Variants in SNAP91 observed in about 807,000 individuals in gnomAD.
SNAP91 encodes the protein synaptosome associated protein 91, also known as clathrin coat assembly protein AP180.
In SNAP91, 27 loss-of-function variants were observed where a neutral mutation model predicts 100.3. The observed-to-expected ratio is 0.27, with a 90% CI of 0.20 to 0.37. The LOEUF (loss-of-function observed/expected upper bound fraction) is 0.37, where lower values mean the gene tolerates loss of function less well. Among genes scored for constraint, SNAP91 ranks in the 10% least tolerant of loss-of-function variants. SNAP91 has a pLI of 1.00. For missense variants in SNAP91, 986 were observed against 1,123.7 expected (o/e 0.88, Z 1.75); for synonymous variants, 404 against 398.6 (o/e 1.01, Z -0.16).
intron 26 of SNAP91, 32 bp downstream of exon 26, chr6:83,574,978 C>A: frequency 7.0e-7 from 1 of 1,423,542 alleles, no homozygotes; most frequent in Non-Finnish European, 9.7e-7. Flanking sequence ...GGCAAACTGC[C>A]TGCGCTGCCC....
In SNAP91 at chr6:83,708,890, G is replaced by T. The variant is rs1318559470; in HGVS notation, c.-76C>A. On this transcript the variant is annotated 5_prime_UTR_variant, in exon 1 of 30. Coordinates refer to ENST00000369694, the MANE Select transcript of SNAP91 (RefSeq NM_001242792.2). ...CCCGCCGCAGGATGAGCGGAGCCCG[G>T]GCCGCCGAGGGAAGCCGCGCCGGTG... 4 of 152,042 alleles carry T rather than the reference G, an allele frequency of 2.6e-5. No homozygotes were observed. Among genetic ancestry groups the T allele is most frequent in the Non-Finnish European group, 5.9e-5 (4 of 68,022 alleles). 9.4% of individuals were successfully genotyped at this position (152,042 alleles called of 1,614,324 possible).
rs185378043 is a variant in SNAP91, at chr6:83,570,838, C to T, written c.2442+4172G>A. On this transcript the variant is annotated intron_variant, in intron 26 of 29. Coordinates refer to ENST00000369694, the MANE Select transcript of SNAP91 (RefSeq NM_001242792.2). ...GCAGAAGTTTGCTGCAGGGGCAGGG[C>T]TCTCATGGAGAACCTCTGTTAGGGC... is the stretch of plus-strand genomic sequence containing the variant. Among the ~76,000 whole-genome samples the T allele has an allele frequency of 2.9e-3, 449 of 152,286 alleles. 2 individuals are homozygous for T. Among genetic ancestry groups the T allele is most frequent in the African/African-American group, 0.01 (425 of 41,562 alleles).
intron 26 of SNAP91, among the ~76,000 whole-genome samples, chr6:83,571,088 C>T (rs1234011076): frequency 1.3e-5 from 2 of 151,170 alleles, no homozygotes; most frequent in Non-Finnish European, 2.9e-5. Flanking sequence ...TGGAGCTGCC[C>T]GAGGACCATG....
At position 83,553,138 on chromosome 6, in the gene SNAP91, T is replaced by C. The variant is rs927383720; in HGVS notation, c.*1158A>G. The C allele has an allele frequency of 6.6e-6, 1 of 152,658 alleles. No homozygotes were observed. The highest frequency in any genetic ancestry group is 1.5e-5 in the Non-Finnish European group (1 of 68,042). 9.5% of individuals were successfully genotyped at this position (152,658 alleles called of 1,614,324 possible). A position where few individuals can be genotyped will look rare whatever the true frequency, so the allele number is the denominator to read the frequency against. On this transcript the variant is annotated 3_prime_UTR_variant, in exon 30 of 30. Transcript: ENST00000369694. The stretch of plus-strand genomic sequence containing the variant: ...CTTTTATGAAGAGCTGCCAAGCTAC[T>C]AGCAACACTGATCAACAGTGACCTC...
intron 8 of SNAP91, among the ~76,000 whole-genome samples, chr6:83,625,703 T>A (rs1480957428): frequency 6.6e-6 from 1 of 152,204 alleles, no homozygotes; most frequent in African/African-American, 2.4e-5. Context: ...TCTGTTCATG[T>A]CCTTGGCCCA....
intron 2 of SNAP91, among the ~76,000 whole-genome samples, chr6:83,706,592 T>C (rs1483405129): frequency 6.6e-6 from 1 of 152,268 alleles, no homozygotes; most frequent in Non-Finnish European, 1.5e-5. Flanking sequence ...TGTCCAGTTG[T>C]AAGCTTCATC....
intron 24 of SNAP91, among the ~76,000 whole-genome samples, chr6:83,577,390 CAATT>C (rs907615274): frequency 3.3e-5 from 5 of 151,898 alleles, no homozygotes; most frequent in African/African-American, 9.7e-5. Flanking sequence ...ATTTATTTTT[CAATT>C]AGACTATAAA....
chr6:83,659,596 TA>T (rs967560949), intron 5 of SNAP91, among the ~76,000 whole-genome samples: 2 of 151,842 alleles, frequency 1.3e-5, no homozygotes, highest in African/African-American at 4.8e-5. Flanking sequence ...GGTTAATTTT[TA>T]AAAAATTTGT....
At chr6:83,656,905 T>C in intron 6 of SNAP91, 40 bp from the exon 7 acceptor site, 1 of 913,514 alleles carries the variant, frequency 1.1e-6, no homozygotes, top group South Asian at 1.7e-5. Flanking sequence ...GGCATATCAT[T>C]AAGTCTTAAT....
intron 12 of SNAP91, among the ~76,000 whole-genome samples, chr6:83,608,201 T>G (rs887129816): frequency 3.9e-5 from 6 of 152,148 alleles, no homozygotes; most frequent in African/African-American, 1.4e-4. Context: ...TATTTTTTCT[T>G]GTCATCCTAA....
intron 9 of SNAP91, 55 bp from the exon 10 acceptor site, chr6:83,617,094 C>T (rs1187715044): frequency 1.2e-5 from 14 of 1,161,806 alleles, no homozygotes; most frequent in Non-Finnish European, 1.6e-5. Context: ...AATGTAAACA[C>T]ACTGTAATGT....
intron 11 of SNAP91, among the ~76,000 whole-genome samples, chr6:83,613,455 T>G (rs1006017960): frequency 1.3e-5 from 2 of 152,386 alleles, no homozygotes; most frequent in Middle Eastern, 6.8e-3. Flanking sequence ...ACCTCTGTTT[T>G]CTAACCAGAG....
At position 83,684,706 on chromosome 6, in the gene SNAP91, T is replaced by A. The variant is rs907198761; in HGVS notation, c.131-19125A>T. Among the ~76,000 whole-genome samples the A allele has an allele frequency of 2.6e-5, 4 of 152,310 alleles. No individual in the cohort carries two copies. In the East Asian group the frequency reaches 7.7e-4, roughly 29 times the overall value. ...CAAGTCTTTTTTGAGAGAACCATAA[T>A]AAATGCTCCTTTTTCCTTATCTTAA... On this transcript the variant is annotated intron_variant, in intron 2 of 29. Coordinates refer to ENST00000369694, the MANE Select transcript of SNAP91 (RefSeq NM_001242792.2).
chr6:83,630,358 C>T (rs915773757), intron 8 of SNAP91, among the ~76,000 whole-genome samples: 6 of 151,942 alleles, frequency 3.9e-5, no homozygotes, highest in Non-Finnish European at 8.8e-5. Context: ...TGATACTGGG[C>T]TAACAGAATG....
Position 83,641,115 on chromosome 6 carries a change from T to A in SNAP91, c.746A>T (p.Glu249Val). 3 of 1,533,922 alleles carry A rather than the reference T, an allele frequency of 2.0e-6. No individual in the cohort carries two copies. Among genetic ancestry groups the A allele is most frequent in the Non-Finnish European group, 2.6e-6 (3 of 1,142,464 alleles). Residue 249 changes from glutamate (E) to valine (V), a missense_variant, in exon 8 of 30, where the codon GAA (glutamate) becomes GTA (valine). Glu to Val is a moderately radical substitution (Grantham distance 121, BLOSUM62 -2). Around this residue, in one of 4 missense-constraint regions of SNAP91, gnomAD observed 330 missense variants for 447.5 expected, o/e 0.74. Coordinates refer to ENST00000369694, the MANE Select transcript of SNAP91 (RefSeq NM_001242792.2). The stretch of plus-strand genomic sequence containing the variant: ...ACTTACCTCTGCAACCTTGAGAAAT[T>A]CAGACACTCGTGTCATTCTAGTTAG... ...RFLTRMTRVS[E>V]FLKVAEQVGI... is the part of the protein sequence containing the mutation.
rs184624831 is a variant in SNAP91, at chr6:83,618,394, G to A, written c.808-1355C>T. Among the ~76,000 whole-genome samples, 882 of 151,202 alleles carry A rather than the reference G, an allele frequency of 5.8e-3. 6 individuals are homozygous for A. The highest frequency in any genetic ancestry group is 0.02 in the African/African-American group (832 of 41,340). On this transcript the variant is annotated intron_variant, in intron 9 of 29. Transcript: ENST00000369694. ...ATAGAGTTAAAAAAAAAAGATTATC[G>A]GCATCTAATAAGTTTAGAAAATTAC...
At chr6:83,698,854 CATAAT>C (rs1312872602) in intron 2 of SNAP91, among the ~76,000 whole-genome samples, 1 of 152,052 alleles carries the variant, frequency 6.6e-6, no homozygotes, top group Non-Finnish European at 1.5e-5. Flanking sequence ...AACAGCATAC[CATAAT>C]ATGACAATAT....
At position 83,592,967 on chromosome 6, in the gene SNAP91, G is replaced by C. The variant is rs1471877566; in HGVS notation, c.1825C>G (p.Leu609Val). The C allele has an allele frequency of 6.3e-7, 1 of 1,584,992 alleles. No individual in the cohort carries two copies. The highest frequency in any genetic ancestry group is 8.6e-7 in the Non-Finnish European group (1 of 1,165,132). Reference protein sequence around the residue: ...QGASPVPESSLTADLLSVDAF... With the variant: ...QGASPVPESSVTADLLSVDAF... ...TCACCAGATAAGAGGTCAGCAGTGAGAGAACTCTCAGGCACAGGAGAGGCC... is the reference window on the plus strand; with the variant it reads ...TCACCAGATAAGAGGTCAGCAGTGACAGAACTCTCAGGCACAGGAGAGGCC... The change falls in exon 20 of 30, where the codon CTC becomes GTC. Residue 609 changes from leucine to valine, a missense_variant. Physicochemically the swap from Leu to Val is conservative, Grantham distance 32. Coordinates refer to ENST00000369694, the MANE Select transcript of SNAP91 (RefSeq NM_001242792.2).
At chr6:83,642,875 C>T (rs1173633655) in intron 7 of SNAP91, among the ~76,000 whole-genome samples, 5 of 152,116 alleles carry the variant, frequency 3.3e-5, no homozygotes, top group African/African-American at 7.2e-5. Flanking sequence ...TTTTAACGAT[C>T]GCCATTCTAA....
Sources: gnomAD v4.1 joint callset for allele counts (sites outside exome capture counted in the v4.1 genomes callset) on GRCh38, gnomAD v4.1.1 for gene constraint, gnomAD v4.1.1 regional missense constraint, MANE v1.5 for transcripts, NCBI Gene and HGNC (gene_info 2026-07-23, HGNC 2026-07-21) for gene names.